TRMT9B: variants seen among roughly 807,000 people sequenced by gnomAD.
TRMT9B encodes tRNA methyltransferase 9B (putative).
TRMT9B carries 16 observed loss-of-function variants against 11.5 expected under a neutral mutation model. The observed-to-expected ratio is 1.39, with a 90% CI of 0.94 to 2.11. TRMT9B has a LOEUF of 2.11. Among genes scored for constraint, TRMT9B ranks in the 30% most tolerant of loss-of-function variants. The probability of loss-of-function intolerance (pLI) is 0.00; values close to 1 mark genes in which losing one functional copy is unlikely to be tolerated. For missense variants in TRMT9B, 941 were observed against 553.8 expected (o/e 1.70, Z -7.02); for synonymous variants, 274 against 192.4 (o/e 1.42, Z -3.51).
intron 1 of TRMT9B, among the ~76,000 whole-genome samples, chr8:12,946,558 T>G (rs11203962): frequency 0.44 from 67,595 of 152,054 alleles, 15,898 homozygotes; most frequent in Middle Eastern, 0.55. Flanking sequence ...AATGTGTTGA[T>G]GTCACCCTGG....
chr8:13,001,149 A>G (rs1044782408), intron 2 of TRMT9B, among the ~76,000 whole-genome samples: 1 of 152,192 alleles, frequency 6.6e-6, no homozygotes, highest in African/African-American at 2.4e-5. Context: ...TGCTTCATCC[A>G]TATGTGCATG....
intron 1 of TRMT9B, among the ~76,000 whole-genome samples, chr8:12,976,946 G>A (rs1013284637): frequency 6.6e-6 from 1 of 152,178 alleles, no homozygotes; most frequent in Non-Finnish European, 1.5e-5. Context: ...TGCTCCTGCT[G>A]CCTCCTCCCA....
chr8:12,964,046 A>G (rs1180587142), intron 1 of TRMT9B, among the ~76,000 whole-genome samples: 1 of 152,192 alleles, frequency 6.6e-6, no homozygotes, highest in Non-Finnish European at 1.5e-5. Context: ...TCGTACATGA[A>G]CTGTGTAACT....
intron 1 of TRMT9B, among the ~76,000 whole-genome samples, chr8:12,989,109 C>G (rs1465796400): frequency 1.3e-5 from 2 of 151,890 alleles, no homozygotes; most frequent in African/African-American, 2.4e-5. Context: ...TGGCTTTGCC[C>G]CTGAGCCATG....
intron 1 of TRMT9B, among the ~76,000 whole-genome samples, chr8:12,946,410 G>A (rs1563290672): frequency 1.3e-5 from 2 of 152,158 alleles, no homozygotes; most frequent in South Asian, 2.1e-4. Flanking sequence ...ATTGTCAGAC[G>A]GTGGTCACCC....
rs187066775 is a variant in TRMT9B at position 13,024,781 on chromosome 8, A to C, written c.*2737A>C. Reference sequence around the variant, plus strand: ...TAATAAGTCTTTTACTCTTCATCTAATGAACATAAGAATCTATGCATCCAG... The same window carrying C: ...TAATAAGTCTTTTACTCTTCATCTACTGAACATAAGAATCTATGCATCCAG... On this transcript the variant is annotated 3_prime_UTR_variant, in exon 5 of 5. Transcript: ENST00000524591. 1 of 167,012 alleles carries C rather than the reference A, an allele frequency of 6.0e-6. No homozygotes were observed. Among genetic ancestry groups the C allele is most frequent in the African/African-American group, 2.4e-5 (1 of 41,458 alleles). 10.3% of individuals were successfully genotyped at this position (167,012 alleles called of 1,614,324 possible).
intron 2 of TRMT9B, among the ~76,000 whole-genome samples, chr8:13,002,321 C>G (rs561582766): frequency 2.0e-5 from 3 of 152,080 alleles, no homozygotes; most frequent in Non-Finnish European, 2.9e-5. Context: ...TTCTCTAAAA[C>G]GTATTGCTTG....
At chr8:12,986,261 C>T (rs191673862) in intron 1 of TRMT9B, among the ~76,000 whole-genome samples, 1 of 152,304 alleles carries the variant, frequency 6.6e-6, no homozygotes, top group East Asian at 1.9e-4. Context: ...CTAAAACCTA[C>T]ACCTCCTGTC....
Position 12,990,843 on chromosome 8 carries a change from T to G in TRMT9B, c.-190T>G, listed in dbSNP as rs1167644362. The G allele has an allele frequency of 7.8e-7, 1 of 1,289,316 alleles. No homozygotes were observed. The highest frequency in any genetic ancestry group is 1.0e-6 in the Non-Finnish European group (1 of 988,344). The allele number at this position is 1,289,316 out of a possible 1,614,324, so 79.9% of individuals were successfully genotyped here. ...GTTTTCTTCCTGATAGGGCCTGTGC[T>G]TCCTTCAGAGACTCACACAAGAGGT... is the stretch of plus-strand genomic sequence containing the variant. On this transcript the variant is annotated 5_prime_UTR_variant, in exon 2 of 5. Coordinates refer to ENST00000524591, the MANE Select transcript of TRMT9B (RefSeq NM_020844.3).
In TRMT9B at chr8:13,021,952, A is replaced by C. The variant is rs746129879; in HGVS notation, c.1273A>C (p.Lys425Gln). 4 of 1,613,696 alleles carry C rather than the reference A, an allele frequency of 2.5e-6. No individual in the cohort carries two copies. The South Asian group carries it at 4.4e-5, about 18-fold the overall frequency. ...FREGELCSLL[K>Q]ENVSELRILS... ...AGAAGGGGAGCTCTGCAGTCTGCTCAAGGAGAATGTGTCAGAGCTCCGTAT... is the reference window on the plus strand; with the variant it reads ...AGAAGGGGAGCTCTGCAGTCTGCTCCAGGAGAATGTGTCAGAGCTCCGTAT... Residue 425 changes from lysine to glutamine, a missense_variant, in exon 5 of 5, where the codon AAG becomes CAG. Transcript: ENST00000524591.
At chr8:12,969,895 C>T (rs1803354880) in intron 1 of TRMT9B, 1 of 150,404 alleles carries the variant, frequency 6.6e-6, no homozygotes, top group South Asian at 2.1e-4. Context: ...CTATGTGGCC[C>T]AGGCTGGTCT....
intron 1 of TRMT9B, chr8:12,952,781 C>T (rs1800796379): frequency 5.6e-6 from 4 of 717,420 alleles, no homozygotes; most frequent in Non-Finnish European, 6.8e-6. Flanking sequence ...TCTCTGTCAC[C>T]CAGGCTGGAG....
At chr8:12,955,665 T>G (rs1801205028) in intron 1 of TRMT9B, among the ~76,000 whole-genome samples, 3 of 152,216 alleles carry the variant, frequency 2.0e-5, no homozygotes. Context: ...GTATCGAATG[T>G]GCTCATTTCT....
rs502882 is a variant in TRMT9B at position 13,021,590 on chromosome 8, G to A, written c.911G>A (p.Gly304Glu). Reference protein sequence around the residue: ...FDHQEPFSTKGQSLDEEVFVE... With the variant: ...FDHQEPFSTKEQSLDEEVFVE... ...CACCAAGAGCCATTTTCAACAAAAG[G>A]GCAAAGTTTAGATGAGGAAGTGTTT... The change falls in exon 5 of 5, where the codon GGG becomes GAG. Residue 304 changes from glycine to glutamate, a missense_variant. Transcript: ENST00000524591. 1,248,457 of 1,613,518 alleles carry A rather than the reference G, an allele frequency of 0.77. 485,112 individuals are homozygous for A. Among genetic ancestry groups the A allele is most frequent in the Middle Eastern group, 0.8 (4,836 of 6,060 alleles).
rs1330271939 is a variant in TRMT9B, at chr8:13,024,147, C to T, written c.*2103C>T. Reference sequence around the variant, plus strand: ...TAAGCTCCGCCTCCCGGGTTCACGCCATCCTCCTGCCTCAGCCTCCCAAGT... The same window carrying T: ...TAAGCTCCGCCTCCCGGGTTCACGCTATCCTCCTGCCTCAGCCTCCCAAGT... On this transcript the variant is annotated 3_prime_UTR_variant, in exon 5 of 5. Coordinates refer to ENST00000524591, the MANE Select transcript of TRMT9B (RefSeq NM_020844.3). 3 of 151,850 alleles carry T rather than the reference C, an allele frequency of 2.0e-5. No homozygotes were observed. Among genetic ancestry groups the T allele is most frequent in the African/African-American group, 7.3e-5 (3 of 40,978 alleles). 9.4% of individuals were successfully genotyped at this position (151,850 alleles called of 1,614,324 possible). A position where few individuals can be genotyped will look rare whatever the true frequency, so the allele number is the denominator to read the frequency against.
chr8:12,988,200 C>G (rs1295653501), intron 1 of TRMT9B, among the ~76,000 whole-genome samples: 1 of 152,108 alleles, frequency 6.6e-6, no homozygotes. Flanking sequence ...GTGTCAGCCC[C>G]TTGAGGGAGC....
intron 1 of TRMT9B, among the ~76,000 whole-genome samples, chr8:12,957,513 C>T (rs1401312580): frequency 1.3e-5 from 2 of 151,948 alleles, no homozygotes; most frequent in Admixed American, 1.3e-4. Context: ...CATTTGCATA[C>T]AAAGATGGTA....
intron 3 of TRMT9B, 154 bp downstream of exon 3, chr8:13,006,510 C>A: frequency 6.8e-7 from 1 of 1,466,034 alleles, no homozygotes; most frequent in Non-Finnish European, 9.0e-7. Flanking sequence ...GAAATACCTT[C>A]CATTGAGCCT....
At chr8:12,961,646 A>T (rs1802123402) in intron 1 of TRMT9B, 3 of 148,348 alleles carry the variant, frequency 2.0e-5, no homozygotes, top group South Asian at 2.2e-4. Context: ...GCTTGCAGTG[A>T]GCCGAGATCA....
Sources: gnomAD v4.1 joint callset for allele counts (sites outside exome capture counted in the v4.1 genomes callset) on GRCh38, gnomAD v4.1.1 for gene constraint, MANE v1.5 for transcripts, NCBI Gene and HGNC (gene_info 2026-07-23, HGNC 2026-07-21) for gene names.